Variants in PDGFRL observed in about 807,000 individuals in gnomAD.
PDGFRL encodes platelet derived growth factor receptor like, also known as platelet-derived growth factor receptor-like protein.
In PDGFRL, 46 loss-of-function variants were observed where a neutral mutation model predicts 37.2. The ratio of observed to expected loss-of-function variants is 1.24; its 90% CI spans 0.98 to 1.58. The LOEUF (loss-of-function observed/expected upper bound fraction) is 1.58. Ranked by LOEUF, PDGFRL falls within the 40% of genes most tolerant of loss-of-function variation. The pLI is 0.00. For synonymous variants in PDGFRL, 251 were observed against 184.3 expected (o/e 1.36, Z -2.93); for missense variants, 692 against 467.6 (o/e 1.48, Z -4.43).
intron 1 of PDGFRL, among the ~76,000 whole-genome samples, chr8:17,580,299 A>C (rs993181476): frequency 6.6e-6 from 1 of 152,122 alleles, no homozygotes; most frequent in Non-Finnish European, 1.5e-5. Context: ...AGCCTTTGAC[A>C]CTTTCGTGTC....
chr8:17,615,375 C>T (rs1804502009), intron 2 of PDGFRL, among the ~76,000 whole-genome samples: 1 of 152,104 alleles, frequency 6.6e-6, no homozygotes, highest in Non-Finnish European at 1.5e-5. Flanking sequence ...GGTGCCATCA[C>T]TCAGTCAAAA....
At chr8:17,595,314 T>C (rs1286283140) in intron 2 of PDGFRL, among the ~76,000 whole-genome samples, 2 of 152,100 alleles carry the variant, frequency 1.3e-5, no homozygotes, top group Non-Finnish European at 1.5e-5. Flanking sequence ...CAAGTTCCAC[T>C]TGAGTTTTCC....
At chr8:17,641,729 C>A (rs1231744856) in intron 5 of PDGFRL, among the ~76,000 whole-genome samples, 1 of 152,116 alleles carries the variant, frequency 6.6e-6, no homozygotes, top group East Asian at 1.9e-4. Flanking sequence ...AGAGATTTGG[C>A]CTCCACAAGA....
chr8:17,643,023 T>C lies in PDGFRL; in HGVS notation c.*222T>C. ...AACAGAAAGCATGATTTTGATTGCT[T>C]ACCTACATACGTGTTCCTAGTTTTT... is the stretch of plus-strand genomic sequence containing the variant. On this transcript the variant is annotated 3_prime_UTR_variant, in exon 6 of 6. Coordinates refer to ENST00000251630, the MANE Select transcript of PDGFRL (RefSeq NM_001372073.1). 2.1e-6 allele frequency: 1 copy of C among 482,158 alleles called. No individual in the cohort carries two copies. The highest frequency in any genetic ancestry group is 3.6e-6 in the Non-Finnish European group (1 of 276,716). The allele number at this position is 482,158 out of a possible 1,614,324, so 29.9% of individuals were successfully genotyped here.
rs565361929 is a variant in PDGFRL, at chr8:17,602,484, AT to A, written c.353+12728del. Among the ~76,000 whole-genome samples the A allele has an allele frequency of 5.3e-3, 803 of 151,892 alleles. 3 individuals carry two copies. The highest frequency in any genetic ancestry group is 0.018 in the African/African-American group (750 of 41,458). On this transcript the variant is annotated intron_variant, in intron 2 of 5. Coordinates refer to ENST00000251630, the MANE Select transcript of PDGFRL (RefSeq NM_001372073.1). ...TCAGGCAAGAGAGAGTAATCATCGA[AT>A]TTTTTTTTAAAGCTGTAGACTAAAC...
intron 5 of PDGFRL, among the ~76,000 whole-genome samples, chr8:17,638,464 A>T (rs1339231126): frequency 1.3e-5 from 2 of 151,852 alleles, no homozygotes; most frequent in African/African-American, 4.8e-5. Context: ...GTGGCTTATG[A>T]TATGGTCTCT....
intron 2 of PDGFRL, among the ~76,000 whole-genome samples, chr8:17,599,682 A>T (rs1804126746): frequency 6.6e-6 from 1 of 152,164 alleles, no homozygotes; most frequent in Admixed American, 6.5e-5. Context: ...TTTCTCTAGA[A>T]AGGTCACTTT....
At chr8:17,577,362 C>T (rs1803608315) in intron 1 of PDGFRL, 55 bp downstream of exon 1, 1 of 1,439,540 alleles carries the variant, frequency 6.9e-7, no homozygotes, top group Admixed American at 1.9e-5. Flanking sequence ...TTAGCCGGGA[C>T]CCGAAGCCCC....
At chr8:17,596,255 C>G (rs988172029) in intron 2 of PDGFRL, 5 of 845,294 alleles carry the variant, frequency 5.9e-6, no homozygotes, top group Admixed American at 8.7e-5. Flanking sequence ...CATGTCCTCT[C>G]TGGACCTCAG....
chr8:17,618,326 G>A (rs1460648935), intron 2 of PDGFRL, among the ~76,000 whole-genome samples: 1 of 152,156 alleles, frequency 6.6e-6, no homozygotes, highest in Non-Finnish European at 1.5e-5. Context: ...AAAGTGTTGG[G>A]ATTATAGGCA....
chr8:17,597,646 A>G (rs1041609068), intron 2 of PDGFRL, among the ~76,000 whole-genome samples: 1 of 152,208 alleles, frequency 6.6e-6, no homozygotes, highest in Non-Finnish European at 1.5e-5. Flanking sequence ...ATTTTGGTAA[A>G]TGATTAAAAC....
chr8:17,586,066 C>T (rs571549710), intron 1 of PDGFRL, among the ~76,000 whole-genome samples: 40 of 152,326 alleles, frequency 2.6e-4, no homozygotes, highest in South Asian at 6.2e-4. Flanking sequence ...ATTCTCATGC[C>T]TCAGCCTCCC....
intron 5 of PDGFRL, among the ~76,000 whole-genome samples, chr8:17,640,776 G>C (rs1031964891): frequency 2.0e-5 from 3 of 152,166 alleles, no homozygotes; most frequent in African/African-American, 7.2e-5. Context: ...GCACTTTAAA[G>C]ACAGCATTAG....
chr8:17,618,610 G>A (rs914101891), intron 2 of PDGFRL, among the ~76,000 whole-genome samples: 8 of 152,192 alleles, frequency 5.3e-5, no homozygotes, highest in South Asian at 2.1e-4. Context: ...GGGTTTCAGG[G>A]AAGTCATTTC....
At chr8:17,600,992 TAAAC>T (rs1197279261) in intron 2 of PDGFRL, among the ~76,000 whole-genome samples, 2 of 151,932 alleles carry the variant, frequency 1.3e-5, no homozygotes, top group African/African-American at 2.4e-5. Flanking sequence ...AAAGAAATAA[TAAAC>T]AAACTGAGCT....
At chr8:17,582,578 C>G (rs1470197669) in intron 1 of PDGFRL, among the ~76,000 whole-genome samples, 1 of 27,950 alleles carries the variant, frequency 3.6e-5, no homozygotes, top group Admixed American at 6.5e-4. Flanking sequence ...GAGACTCTGT[C>G]TCAAAAAAAA....
intron 1 of PDGFRL, among the ~76,000 whole-genome samples, chr8:17,579,209 T>G (rs945211022): frequency 2.6e-5 from 4 of 152,102 alleles, no homozygotes; most frequent in Non-Finnish European, 5.9e-5. Flanking sequence ...AAAATAAAGA[T>G]AAAAATAAAA....
In PDGFRL at chr8:17,628,025, G is replaced by A. The variant is rs538966281; in HGVS notation, c.506-462G>A. Among the ~76,000 whole-genome samples, 7 of 130,480 alleles carry A rather than the reference G, an allele frequency of 5.4e-5. No homozygotes were observed. The East Asian group carries it at 1.3e-3, about 25-fold the overall frequency. The allele number at this position is 130,480 out of a possible 152,430, so 85.6% of individuals were successfully genotyped here. On this transcript the variant is annotated intron_variant, in intron 3 of 5. Coordinates refer to ENST00000251630, the MANE Select transcript of PDGFRL (RefSeq NM_001372073.1). ...TTTTTTTTTTTTGAGACGGAGTCTG[G>A]CTCTGTCGCCCAGGCTGGAGTGCAG...
At chr8:17,623,705 T>C (rs753236321) in intron 3 of PDGFRL, among the ~76,000 whole-genome samples, 3 of 152,006 alleles carry the variant, frequency 2.0e-5, no homozygotes, top group Non-Finnish European at 4.4e-5. Context: ...AGAAATCCCA[T>C]CTCTACAAAA....
Sources: gnomAD v4.1 joint callset for allele counts (sites outside exome capture counted in the v4.1 genomes callset) on GRCh38, gnomAD v4.1.1 for gene constraint, MANE v1.5 for transcripts, NCBI Gene and HGNC (gene_info 2026-07-23, HGNC 2026-07-21) for gene names.